Variants in MAPK11 observed in about 807,000 individuals in gnomAD.
MAPK11 encodes the protein MAP kinase 11.
MAPK11 carries 44 observed loss-of-function variants against 52.2 expected under a neutral mutation model. The observed-to-expected ratio is 0.84, with a 90% confidence interval of 0.66 to 1.08. The LOEUF is 1.08. Among genes scored for constraint, MAPK11 ranks in the 50% least tolerant of loss-of-function variants. MAPK11 has a pLI of 0.00. For synonymous variants in MAPK11, 233 were observed against 206.3 expected, an observed-to-expected ratio of 1.13 and a Z score of -1.11; for missense variants, 436 against 494.7, an observed-to-expected ratio of 0.88 and a Z score of 1.13.
In MAPK11 at chr22:50,267,997, C is replaced by T. The variant is rs2065280440; in HGVS notation, c.117-48G>A. On this transcript the variant is annotated intron_variant, in intron 1 of 11. Coordinates refer to ENST00000330651, the MANE Select transcript of MAPK11 (RefSeq NM_002751.7). ...GGCGCCGGGAGGGGTCCGAGGGCGG[C>T]CGCACGCGCGTGGACCCGGGCGGCG... 3 of 1,487,396 alleles carry T rather than the reference C, an allele frequency of 2.0e-6. No homozygotes were observed. The African/African-American group carries it at 4.4e-5, about 22-fold the overall frequency. The allele number at this position is 1,487,396 out of a possible 1,614,324, so 92.1% of individuals were successfully genotyped here. A position where few individuals can be genotyped will look rare whatever the true frequency, so the allele number is the denominator to read the frequency against.
At chr22:50,268,620 G>A (rs1000266306) in intron 1 of MAPK11, among the ~76,000 whole-genome samples, 4 of 152,116 alleles carry the variant, frequency 2.6e-5, no homozygotes, top group Non-Finnish European at 5.9e-5. Flanking sequence ...CCCTTTGCAG[G>A]TGACCCTCAT....
chr22:50,265,936 C>T (rs2065258723), intron 9 of MAPK11, among the ~76,000 whole-genome samples: 1 of 133,340 alleles, frequency 7.5e-6, no homozygotes, highest in South Asian at 2.5e-4. Flanking sequence ...CCCCAGCCCA[C>T]CCCCACTGCC....
rs985435138 is a variant in MAPK11, at chr22:50,267,180, G to A, written c.448-6C>T. 2 of 1,611,564 alleles carry A rather than the reference G, an allele frequency of 1.2e-6. No homozygotes were observed. The highest frequency in any genetic ancestry group is 1.7e-6 in the Non-Finnish European group (2 of 1,179,450). The stretch of plus-strand genomic sequence containing the variant: ...ACGTTGCTGGGCTTCAGGTCCTGCA[G>A]GTCACGCGGAGCGTGAGCACAGGAG... On this transcript the variant is annotated splice_region_variant and splice_polypyrimidine_tract_variant and intron_variant, in intron 5 of 11. Transcript: ENST00000330651.
chr22:50,270,141 G>A lies in MAPK11; in HGVS notation c.116+36C>T, dbSNP rs1459022881. On this transcript the variant is annotated intron_variant, in intron 1 of 11. Transcript: ENST00000330651. The surrounding 1 kb of genome is among the most constrained non-coding windows in gnomAD (Gnocchi z 6.3). ...GGGGACGCGCTCTCCGGCCCGGCCCGGCCCCCACCCAGCACCCCTTCTGCC... is the reference window on the plus strand; with the variant it reads ...GGGGACGCGCTCTCCGGCCCGGCCCAGCCCCCACCCAGCACCCCTTCTGCC... The A allele has an allele frequency of 3.6e-6, 4 of 1,110,588 alleles. No homozygotes were observed. Among genetic ancestry groups the A allele is most frequent in the East Asian group, 6.8e-5 (2 of 29,592 alleles). The allele number at this position is 1,110,588 out of a possible 1,614,324, so 68.8% of individuals were successfully genotyped here.
In MAPK11 at chr22:50,266,292, C is replaced by T. The variant is rs925059536; in HGVS notation, c.696G>A (p.Leu232=). Reference sequence around the variant, plus strand: ...TGCCCACCACTTCCATGATGCGCTTCAGCTGGTCAATGTCTGTGTCACTCA... The same window carrying T: ...TGCCCACCACTTCCATGATGCGCTTTAGCTGGTCAATGTCTGTGTCACTCA... The part of the protein sequence containing the change: ...LFPGSDYIDQ[L]KRIMEVVGTP... The change falls in exon 9 of 12, where the codon CTG becomes CTA. Residue 232 remains leucine, a synonymous_variant. Coordinates refer to ENST00000330651, the MANE Select transcript of MAPK11 (RefSeq NM_002751.7). 1.2e-6 allele frequency: 2 copies of T among 1,607,774 alleles called. No homozygotes were observed. Among genetic ancestry groups the T allele is most frequent in the Non-Finnish European group, 1.7e-6 (2 of 1,177,212 alleles).
At chr22:50,267,098 C>A in intron 6 of MAPK11, 29 bp downstream of exon 6, 1 of 1,610,974 alleles carries the variant, frequency 6.2e-7, no homozygotes, top group Non-Finnish European at 8.5e-7. Context: ...TCCGCCGCCG[C>A]CCTGCCCACC....
chr22:50,265,125 G>T, intron 11 of MAPK11, 98 bp from the exon 12 acceptor site: 1 of 1,230,950 alleles, frequency 8.1e-7, no homozygotes, highest in Non-Finnish European at 1.1e-6. Flanking sequence ...CCACCACCCT[G>T]TGACAGCAGC....
intron 11 of MAPK11, 23 bp from the exon 12 acceptor site, chr22:50,265,050 G>A (rs1480459961): frequency 6.3e-7 from 1 of 1,598,016 alleles, no homozygotes; most frequent in Non-Finnish European, 8.6e-7. Flanking sequence ...GGGAAAGGGT[G>A]AGCTTGTGCC....
At chr22:50,267,314 C>A (rs1452885458) in intron 4 of MAPK11, 28 bp from the exon 5 acceptor site, 2 of 1,583,718 alleles carry the variant, frequency 1.3e-6, no homozygotes, top group Admixed American at 3.6e-5. Flanking sequence ...TGGTGAGCGC[C>A]GGGCCCGGCC....
At chr22:50,269,948 C>A (rs907024553) in intron 1 of MAPK11, among the ~76,000 whole-genome samples, 2 of 151,796 alleles carry the variant, frequency 1.3e-5, no homozygotes, top group Admixed American at 6.5e-5. Context: ...CAGTCCGAAT[C>A]GGGAGAGGCC....
chr22:50,265,135 C>T (rs924662711), intron 11 of MAPK11, 108 bp from the exon 12 acceptor site: 2 of 1,165,776 alleles, frequency 1.7e-6, no homozygotes, highest in African/African-American at 4.2e-5. Context: ...GTGACAGCAG[C>T]CTCAGCACAG....
intron 10 of MAPK11, 25 bp from the exon 11 acceptor site, chr22:50,265,519 G>A: frequency 1.2e-6 from 2 of 1,612,704 alleles, no homozygotes; most frequent in Non-Finnish European, 1.7e-6. Flanking sequence ...GTGGTGGGGA[G>A]GGGGGTCAGC....
Position 50,264,925 on chromosome 22 carries a change from C to G in MAPK11, c.*23G>C. The G allele has an allele frequency of 6.3e-7, 1 of 1,598,234 alleles. No individual in the cohort carries two copies. The highest frequency in any genetic ancestry group is 8.5e-7 in the Non-Finnish European group (1 of 1,171,522). On this transcript the variant is annotated 3_prime_UTR_variant, in exon 12 of 12. Coordinates refer to ENST00000330651, the MANE Select transcript of MAPK11 (RefSeq NM_002751.7). The stretch of plus-strand genomic sequence containing the variant: ...GCAGGCCCAAGCCCCTCCACAGGCT[C>G]TCAGGGGCTGCTGGGCAGCACCTCA...
In MAPK11 at chr22:50,267,609, C is replaced by G; in HGVS notation, c.265G>C (p.Val89Leu). 6.5e-7 allele frequency: 1 copy of G among 1,542,732 alleles called. No homozygotes were observed. The highest frequency in any genetic ancestry group is 8.7e-7 in the Non-Finnish European group (1 of 1,144,812). ...KHENVIGLLD[V>L]FTPATSIEDF... ...TCGATGGACGTGGCCGGCGTGAAGACGTCCAGAAGCCCGATGACCTAGGTG... is the reference window on the plus strand; with the variant it reads ...TCGATGGACGTGGCCGGCGTGAAGAGGTCCAGAAGCCCGATGACCTAGGTG... The change falls in exon 3 of 12, where the codon GTC becomes CTC. Residue 89 changes from valine (V) to leucine (L), a missense_variant. Transcript: ENST00000330651.
At position 50,267,121 on chromosome 22, in the gene MAPK11, C is replaced by A. The variant is rs770122118; in HGVS notation, c.495+6G>T. On this transcript the variant is annotated splice_donor_region_variant and intron_variant, in intron 6 of 11. Transcript: ENST00000330651. ...CGCCCTGCCCACCCCTGCCCACGGG[C>A]CTCACCCTGAGCTCACAGTCCTCGT... The A allele has an allele frequency of 6.2e-7, 1 of 1,611,956 alleles. No homozygotes were observed. Among genetic ancestry groups the A allele is most frequent in the South Asian group, 1.1e-5 (1 of 90,972 alleles).
At chr22:50,265,811 T>A (rs952005625) in intron 9 of MAPK11, 151 bp from the exon 10 acceptor site, 1 of 616,798 alleles carries the variant, frequency 1.6e-6, no homozygotes, top group Non-Finnish European at 2.9e-6. Flanking sequence ...CCATATAGGA[T>A]CTGGTGGTTC....
rs760748 is a variant in MAPK11, at chr22:50,267,037, A to T, written c.507T>A (p.Phe169Leu). 6.2e-7 allele frequency: 1 copy of T among 1,612,010 alleles called. No homozygotes were observed. Reference sequence around the variant, plus strand: ...CCTCGTCCGCCTGGCGCGCCAGCCCAAAATCCAGGATCTGGGGCGACCACG... The same window carrying T: ...CCTCGTCCGCCTGGCGCGCCAGCCCTAAATCCAGGATCTGGGGCGACCACG... Reference protein sequence around the residue: ...NEDCELRILDFGLARQADEEM... With the variant: ...NEDCELRILDLGLARQADEEM... Residue 169 changes from phenylalanine (F) to leucine (L), a missense_variant, in exon 7 of 12, where the codon TTT (phenylalanine) becomes TTA (leucine). Coordinates refer to ENST00000330651, the MANE Select transcript of MAPK11 (RefSeq NM_002751.7).
Position 50,267,435 on chromosome 22 carries a change from T to C in MAPK11, c.353A>G (p.Lys118Arg). The change falls in exon 4 of 12, where the codon AAG becomes AGG. Residue 118 changes from lysine (K) to arginine (R), a missense_variant. Transcript: ENST00000330651. ...LMGADLNNIV[K>R]CQALSDEHVQ... ...GTGCTCGTCGCTCAGCGCCTGGCAC[T>C]TGACGATGTTGTTCAGGTCGGCGCC... 1 of 1,610,634 alleles carries C rather than the reference T, an allele frequency of 6.2e-7. No individual in the cohort carries two copies.
intron 1 of MAPK11, among the ~76,000 whole-genome samples, chr22:50,268,725 T>A (rs1569148702): frequency 6.6e-6 from 1 of 151,822 alleles, no homozygotes; most frequent in Admixed American, 6.6e-5. Context: ...CTTCTCTCCC[T>A]CCCACTTCTG....
Sources: allele counts gnomAD v4.1 joint callset (sites outside exome capture counted in the v4.1 genomes callset), GRCh38; gene constraint gnomAD v4.1.1; non-coding constraint Gnocchi (gnomAD v3.1); transcripts MANE v1.5; gene names NCBI Gene and HGNC (gene_info 2026-07-23, HGNC 2026-07-21).